The following FBXW11 variants were observed in gnomAD, a reference collection of about 807,000 sequenced individuals.
FBXW11 encodes F-box/WD repeat-containing protein 11.
In FBXW11, 19 loss-of-function variants were observed where a neutral mutation model predicts 77.6. That is an observed-to-expected ratio of 0.24 (90% CI 0.17 to 0.36). The LOEUF is 0.36. Ranked by LOEUF, FBXW11 falls within the 10% of genes least tolerant of loss-of-function variation. FBXW11 has a pLI of 1.00. For synonymous variants in FBXW11, 235 were observed against 249.4 expected, an observed-to-expected ratio of 0.94 and a Z score of 0.54; for missense variants, 334 against 704.2, an observed-to-expected ratio of 0.47 and a Z score of 5.95.
intron 1 of FBXW11, among the ~76,000 whole-genome samples, chr5:171,985,578 A>G (rs1345929492): frequency 6.6e-6 from 1 of 152,176 alleles, no homozygotes; most frequent in East Asian, 1.9e-4. Context: ...CAACACAGCA[A>G]GACTTCGTCT....
In FBXW11 at chr5:171,861,628, G is replaced by C. The variant is rs377094920; in HGVS notation, c.*2499C>G. The C allele has an allele frequency of 1.1e-4, 17 of 152,670 alleles. 2 individuals are homozygous for C. The highest frequency in any genetic ancestry group is 7.7e-4 in the East Asian group (4 of 5,186). 9.5% of individuals were successfully genotyped at this position (152,670 alleles called of 1,614,324 possible). A position where few individuals can be genotyped will look rare whatever the true frequency, so the allele number is the denominator to read the frequency against. On this transcript the variant is annotated 3_prime_UTR_variant, in exon 14 of 14. Coordinates refer to ENST00000517395, the MANE Select transcript of FBXW11 (RefSeq NM_001378974.1). The stretch of plus-strand genomic sequence containing the variant: ...TAACAATTGCATGAAGCCAGATTAG[G>C]TGCACTGCATAATACCCATACTCGA...
At chr5:171,880,276 C>T (rs1239583947) in intron 7 of FBXW11, among the ~76,000 whole-genome samples, 1 of 152,222 alleles carries the variant, frequency 6.6e-6, no homozygotes, top group African/African-American at 2.4e-5. Context: ...TATTTCTGGG[C>T]TCTCTATTCT....
rs187246729 is a variant in FBXW11 at position 171,884,467 on chromosome 5, G to C, written c.853-6338C>G. Among the ~76,000 whole-genome samples, 118 of 152,310 alleles carry C rather than the reference G, an allele frequency of 7.7e-4. 1 individual carries two copies. Among genetic ancestry groups the C allele is most frequent in the African/African-American group, 2.7e-3 (111 of 41,560 alleles). On this transcript the variant is annotated intron_variant, in intron 7 of 13. Transcript: ENST00000517395. The stretch of plus-strand genomic sequence containing the variant: ...AGCACTATAGTATAGTTTGAAATCA[G>C]GTAGTGTGATGCCTCCAGATTTATT...
At chr5:171,919,968 C>A (rs1356088610) in intron 2 of FBXW11, among the ~76,000 whole-genome samples, 1 of 151,952 alleles carries the variant, frequency 6.6e-6, no homozygotes, top group Non-Finnish European at 1.5e-5. Flanking sequence ...CCATCCTGGC[C>A]AACATGGTGA....
At chr5:172,003,857 T>C (rs1172315020) in intron 1 of FBXW11, among the ~76,000 whole-genome samples, 1 of 152,166 alleles carries the variant, frequency 6.6e-6, no homozygotes, top group Non-Finnish European at 1.5e-5. Context: ...AACCAAGAAG[T>C]CTGTTTCCTC....
chr5:171,868,603 T>C lies in FBXW11; in HGVS notation c.*25+7A>G. On this transcript the variant is annotated splice_region_variant and intron_variant, in intron 13 of 13. Transcript: ENST00000517395. ...GCAAAATTGGAAGGGGAGAGGATAG[T>C]ACTCACCTGAAACGGGTGAAAGTGC... The C allele has an allele frequency of 6.3e-7, 1 of 1,599,290 alleles. No individual in the cohort carries two copies.
intron 2 of FBXW11, among the ~76,000 whole-genome samples, chr5:171,934,902 G>A (rs1314230614): frequency 6.6e-6 from 1 of 152,140 alleles, no homozygotes; most frequent in Non-Finnish European, 1.5e-5. Flanking sequence ...TCCTAGGGTT[G>A]GATGGGTGAG....
intron 1 of FBXW11, among the ~76,000 whole-genome samples, chr5:172,003,557 C>T (rs777471587): frequency 6.6e-6 from 1 of 152,170 alleles, no homozygotes; most frequent in South Asian, 2.1e-4. Flanking sequence ...AGTCATCTGG[C>T]GGTTAAATTA....
intron 6 of FBXW11, among the ~76,000 whole-genome samples, chr5:171,896,516 C>A (rs1019176629): frequency 2.0e-5 from 3 of 152,120 alleles, no homozygotes; most frequent in African/African-American, 7.2e-5. Context: ...GAGGCAAAGG[C>A]CACCTTGAAA....
chr5:171,902,204 C>A (rs988340515), intron 4 of FBXW11, among the ~76,000 whole-genome samples: 2 of 152,160 alleles, frequency 1.3e-5, no homozygotes, highest in African/African-American at 4.8e-5. Flanking sequence ...TTCTTCAGAC[C>A]TACCTACTAG....
intron 7 of FBXW11, among the ~76,000 whole-genome samples, chr5:171,881,841 A>C (rs1162518099): frequency 6.6e-6 from 1 of 152,200 alleles, no homozygotes; most frequent in African/African-American, 2.4e-5. Flanking sequence ...ATTTCATATA[A>C]ATTATCAAAT....
intron 1 of FBXW11, among the ~76,000 whole-genome samples, chr5:171,988,832 G>A (rs146535655): frequency 0.014 from 2,105 of 151,630 alleles, 39 homozygotes; most frequent in African/African-American, 0.047. Context: ...GCAACAGAGC[G>A]AGACTCCACC....
At chr5:171,992,376 G>C (rs757839363) in intron 1 of FBXW11, among the ~76,000 whole-genome samples, 1 of 151,916 alleles carries the variant, frequency 6.6e-6, no homozygotes, top group African/African-American at 2.4e-5. Context: ...GCAGTGAGCC[G>C]AGGCCATGCC....
chr5:171,929,648 G>A (rs1291442796), intron 2 of FBXW11, among the ~76,000 whole-genome samples: 2 of 151,854 alleles, frequency 1.3e-5, no homozygotes, highest in Non-Finnish European at 2.9e-5. Context: ...TCAGGAGATC[G>A]AGACCATCCT....
At chr5:171,881,417 C>T (rs1011265556) in intron 7 of FBXW11, among the ~76,000 whole-genome samples, 4 of 152,282 alleles carry the variant, frequency 2.6e-5, no homozygotes, top group African/African-American at 9.6e-5. Context: ...GTTTTTATCA[C>T]GAAAGAGTGT....
intron 9 of FBXW11, among the ~76,000 whole-genome samples, chr5:171,873,614 C>G (rs1373638633): frequency 1.3e-5 from 2 of 152,206 alleles, no homozygotes; most frequent in Non-Finnish European, 2.9e-5. Flanking sequence ...TGCACTCCAG[C>G]CTGGGTGACA....
intron 1 of FBXW11, among the ~76,000 whole-genome samples, chr5:171,970,118 A>T (rs1764440831): frequency 6.6e-6 from 1 of 152,224 alleles, no homozygotes; most frequent in Non-Finnish European, 1.5e-5. Context: ...CCTGCAGAAT[A>T]AAAGTTGGCC....
chr5:171,983,217 A>G (rs967816124), intron 1 of FBXW11, among the ~76,000 whole-genome samples: 2 of 152,112 alleles, frequency 1.3e-5, no homozygotes, highest in African/African-American at 2.4e-5. Context: ...AACCAAGAGG[A>G]CAGGGTTCTA....
At chr5:171,881,633 G>A (rs1301278830) in intron 7 of FBXW11, among the ~76,000 whole-genome samples, 1 of 152,160 alleles carries the variant, frequency 6.6e-6, no homozygotes, top group South Asian at 2.1e-4. Flanking sequence ...TCTATCTTCT[G>A]GAAGAGATTG....
Sources: allele counts gnomAD v4.1 joint callset (sites outside exome capture counted in the v4.1 genomes callset), GRCh38; gene constraint gnomAD v4.1.1; transcripts MANE v1.5; gene names NCBI Gene and HGNC (gene_info 2026-07-23, HGNC 2026-07-21).